Variants in NTRK3 observed in about 807,000 individuals in gnomAD.
The protein encoded by NTRK3 is NT-3 growth factor receptor.
Under a neutral mutation model 91.7 loss-of-function variants are expected in NTRK3, and 24 were observed. The observed-to-expected ratio is 0.26, with a 90% CI of 0.19 to 0.37. NTRK3 has a LOEUF of 0.37. Among genes scored for constraint, NTRK3 ranks in the 10% least tolerant of loss-of-function variants. The pLI is 1.00. For missense variants in NTRK3, 880 were observed against 1,068.9 expected, an observed-to-expected ratio of 0.82 and a Z score of 2.46; for synonymous variants, 483 against 404.0, an observed-to-expected ratio of 1.20 and a Z score of -2.34.
chr15:87,922,417 G>A (rs1294586987), intron 17 of NTRK3, among the ~76,000 whole-genome samples: 1 of 152,162 alleles, frequency 6.6e-6, no homozygotes. Flanking sequence ...TAATGAGGGG[G>A]CTGCCCTCCA....
chr15:88,000,079 T>C (rs1245319655), intron 14 of NTRK3, among the ~76,000 whole-genome samples: 1 of 152,152 alleles, frequency 6.6e-6, no homozygotes, highest in African/African-American at 2.4e-5. Flanking sequence ...ATTCAAGAAA[T>C]GTGTAGGGGT....
At chr15:87,879,401 C>A (rs1463670039) in intron 18 of NTRK3, among the ~76,000 whole-genome samples, 1 of 152,188 alleles carries the variant, frequency 6.6e-6, no homozygotes, top group Non-Finnish European at 1.5e-5. Context: ...CCTGGGGCAA[C>A]ATGGCATGGT....
At chr15:88,193,254 C>A (rs894903540) in intron 3 of NTRK3, among the ~76,000 whole-genome samples, 4 of 152,142 alleles carry the variant, frequency 2.6e-5, no homozygotes, top group Admixed American at 2.0e-4. Flanking sequence ...AACTTGATCT[C>A]TGGGGAGAGC....
intron 3 of NTRK3, among the ~76,000 whole-genome samples, chr15:88,219,130 C>G (rs12101720): frequency 0.018 from 2,741 of 152,346 alleles, 95 homozygotes; most frequent in African/African-American, 0.062. Flanking sequence ...TGAGGCAGAC[C>G]TACATGTGCA....
intron 17 of NTRK3, among the ~76,000 whole-genome samples, chr15:87,897,824 ATT>A (rs376187668): frequency 0.12 from 18,644 of 152,176 alleles, 1,924 homozygotes; most frequent in African/African-American, 0.28. Flanking sequence ...ACATATCAGA[ATT>A]ATATACATAT....
intron 3 of NTRK3, among the ~76,000 whole-genome samples, chr15:88,239,972 G>A (rs1360244481): frequency 1.3e-5 from 2 of 152,030 alleles, no homozygotes; most frequent in Non-Finnish European, 2.9e-5. Context: ...AGCCCTCGGT[G>A]ATGCGCATGC....
At chr15:88,207,096 A>G (rs911620324) in intron 3 of NTRK3, among the ~76,000 whole-genome samples, 1 of 152,222 alleles carries the variant, frequency 6.6e-6, no homozygotes, top group African/African-American at 2.4e-5. Context: ...TGGGTCCATC[A>G]GGGCCTGTTT....
At chr15:88,148,988 C>A (rs117213386) in intron 5 of NTRK3, among the ~76,000 whole-genome samples, 5 of 152,102 alleles carry the variant, frequency 3.3e-5, no homozygotes, top group African/African-American at 1.2e-4. Flanking sequence ...CACATGGAGG[C>A]GATGGGATAG....
intron 14 of NTRK3, among the ~76,000 whole-genome samples, chr15:88,016,420 G>A (rs1040290089): frequency 2.6e-5 from 4 of 152,168 alleles, no homozygotes; most frequent in Non-Finnish European, 4.4e-5. Context: ...TTCCTAAATG[G>A]CCCATCACCT....
chr15:88,108,808 C>T (rs1225345764), intron 13 of NTRK3, among the ~76,000 whole-genome samples: 1 of 152,144 alleles, frequency 6.6e-6, no homozygotes, highest in African/African-American at 2.4e-5. Flanking sequence ...ATATAAGGAG[C>T]TTGGCAGAAA....
chr15:88,056,049 G>A (rs532739518), intron 13 of NTRK3, among the ~76,000 whole-genome samples: 1 of 151,930 alleles, frequency 6.6e-6, no homozygotes, highest in Non-Finnish European at 1.5e-5. Context: ...AGAGAAAGCA[G>A]GCAGTAGAAA....
intron 5 of NTRK3, among the ~76,000 whole-genome samples, chr15:88,168,913 G>T (rs927193401): frequency 3.9e-5 from 6 of 152,196 alleles, no homozygotes; most frequent in Admixed American, 1.3e-4. Flanking sequence ...GATGTCTTTG[G>T]CCTATGGATC....
chr15:88,201,925 A>C (rs2141284840), intron 3 of NTRK3, among the ~76,000 whole-genome samples: 2 of 152,234 alleles, frequency 1.3e-5, no homozygotes, highest in Middle Eastern at 3.4e-3. Flanking sequence ...AATACATTTG[A>C]ATGATGTTCC....
chr15:88,177,258 T>C (rs373181800), intron 5 of NTRK3, among the ~76,000 whole-genome samples: 23 of 152,338 alleles, frequency 1.5e-4, no homozygotes, highest in African/African-American at 5.5e-4. Flanking sequence ...TTTAAGCAGC[T>C]AAGTGGCATG....
chr15:87,907,188 G>C (rs909974078), intron 17 of NTRK3, among the ~76,000 whole-genome samples: 8 of 152,150 alleles, frequency 5.3e-5, no homozygotes, highest in African/African-American at 1.9e-4. Context: ...CTAAAACCAA[G>C]AGTTTGAACC....
intron 6 of NTRK3, among the ~76,000 whole-genome samples, chr15:88,141,658 C>T (rs879629969): frequency 1.3e-5 from 2 of 152,360 alleles, no homozygotes; most frequent in African/African-American, 4.8e-5. Flanking sequence ...GCTGCATTGC[C>T]GCAAGCCACA....
At chr15:88,072,592 C>A in intron 13 of NTRK3, 3 of 232,568 alleles carry the variant, frequency 1.3e-5, no homozygotes, top group Non-Finnish European at 2.6e-5. Flanking sequence ...CCAAAAGCTC[C>A]AGGCCATCTA....
chr15:87,947,388 G>A (rs2070668050), intron 14 of NTRK3, among the ~76,000 whole-genome samples: 1 of 152,138 alleles, frequency 6.6e-6, no homozygotes, highest in Non-Finnish European at 1.5e-5. Context: ...ACTTCAGAGA[G>A]AGGCTCTGCT....
chr15:87,875,929 C>A, exon 19 of NTRK3: 1 of 231,838 alleles, frequency 4.3e-6, no homozygotes, highest in Non-Finnish European at 8.5e-6. Flanking sequence ...AACCCTAAAG[C>A]GTGCTGTGTC....
Sources: allele counts gnomAD v4.1 joint callset (sites outside exome capture counted in the v4.1 genomes callset), GRCh38; gene constraint gnomAD v4.1.1; transcripts MANE v1.5; gene names NCBI Gene and HGNC (gene_info 2026-07-23, HGNC 2026-07-21).